BANP: variants seen among roughly 807,000 people sequenced by gnomAD.
BANP encodes the protein BTG3 associated nuclear protein, also known as protein BANP.
BANP carries 11 observed loss-of-function variants against 68.1 expected under a neutral mutation model. The ratio of observed to expected loss-of-function variants is 0.16; its 90% CI spans 0.10 to 0.27. The LOEUF is 0.27. BANP is among the 10% of genes least tolerant of loss of function. The pLI is 1.00. For missense variants in BANP, 504 were observed against 722.7 expected (o/e 0.70, Z 3.47); for synonymous variants, 329 against 303.2 (o/e 1.09, Z -0.88).
intron 1 of BANP, among the ~76,000 whole-genome samples, chr16:87,972,047 C>T (rs1264066774): frequency 1.3e-5 from 2 of 152,180 alleles, no homozygotes; most frequent in African/African-American, 2.4e-5. Context: ...CCTGCCTTAG[C>T]CTCCCAAAGT....
chr16:87,973,698 A>C (rs1029839022), intron 1 of BANP, among the ~76,000 whole-genome samples: 1 of 148,324 alleles, frequency 6.7e-6, no homozygotes, highest in African/African-American at 2.5e-5. Context: ...GGTGGAGGTA[A>C]GCCGAGATTG....
chr16:88,024,710 C>A (rs988944951), intron 7 of BANP, among the ~76,000 whole-genome samples: 1 of 152,258 alleles, frequency 6.6e-6, no homozygotes, highest in African/African-American at 2.4e-5. Context: ...CTCTGGATCT[C>A]CTTTGTGGCC....
chr16:88,051,909 C>A (rs1236617195), intron 11 of BANP, among the ~76,000 whole-genome samples: 1 of 152,188 alleles, frequency 6.6e-6, no homozygotes, highest in African/African-American at 2.4e-5. Context: ...CCATTCATCT[C>A]ATTTGTTTGA....
rs879938871 is a variant in BANP at position 88,064,031 on chromosome 16, G to A, written c.1312-1236G>A. ...CTTAAGATTCGAAGAAAGAGGTACC[G>A]GGGCTTTTGTGGGGAACAAAGGCAC... On this transcript the variant is annotated intron_variant, in intron 11 of 13. Transcript: ENST00000682872. This position sits in a 1 kb window ranked among gnomAD's most constrained non-coding sequence, Gnocchi z 4.5. 2.4e-4 allele frequency among the ~76,000 whole-genome samples: 36 copies of A among 152,282 alleles called. No homozygotes were observed. In the South Asian group the frequency reaches 3.3e-3, roughly 14 times the overall value.
At chr16:88,027,370 G>A in intron 7 of BANP, 113 bp from the exon 8 acceptor site, 2 of 1,200,550 alleles carry the variant, frequency 1.7e-6, no homozygotes, top group Non-Finnish European at 1.2e-6. Flanking sequence ...CGGCCTGGCG[G>A]GCTGGGGTGC....
At chr16:87,951,678 C>T (rs1395619980) in intron 1 of BANP, among the ~76,000 whole-genome samples, 163 bp downstream of exon 1, 1 of 148,378 alleles carries the variant, frequency 6.7e-6, no homozygotes, top group Non-Finnish European at 1.5e-5. Context: ...GCCCCCCGGG[C>T]CCCGCTCCCC....
chr16:88,021,023 G>A (rs2075936977), intron 7 of BANP, among the ~76,000 whole-genome samples: 1 of 152,170 alleles, frequency 6.6e-6, no homozygotes, highest in African/African-American at 2.4e-5. Flanking sequence ...TGCGTGTTGT[G>A]GCTATGAGTT....
At position 88,002,647 on chromosome 16, in the gene BANP, G is replaced by A. The variant is rs1283673128; in HGVS notation, c.363-1648G>A. On this transcript the variant is annotated intron_variant, in intron 4 of 13. Transcript: ENST00000682872. The surrounding 1 kb of genome is among the most constrained non-coding windows in gnomAD (Gnocchi z 4.6). ...CCCCAGAAGCTGTGGGGCACCCGAG[G>A]GGCACATTATTCCAGTTGGGAGCTG... Among the ~76,000 whole-genome samples the A allele has an allele frequency of 6.6e-6, 1 of 152,110 alleles. No individual in the cohort carries two copies. Among genetic ancestry groups the A allele is most frequent in the Admixed American group, 6.5e-5 (1 of 15,280 alleles).
rs115322420 is a variant in BANP, at chr16:88,064,650, C to T, written c.1312-617C>T. Among the ~76,000 whole-genome samples the T allele has an allele frequency of 7.9e-3, 1,209 of 152,354 alleles. 14 individuals carry two copies. The highest frequency in any genetic ancestry group is 0.027 in the African/African-American group (1,142 of 41,592). ...TGGGGACCCCTCCTGGACATGCCTT[C>T]CTCCCTTAAAAAACAACAACGCTTT... On this transcript the variant is annotated intron_variant, in intron 11 of 13. Coordinates refer to ENST00000682872, the MANE Select transcript of BANP (RefSeq NM_001386991.1). The surrounding 1 kb of genome is among the most constrained non-coding windows in gnomAD (Gnocchi z 4.5).
intron 2 of BANP, chr16:87,978,303 A>C (rs1256012727): frequency 4.9e-6 from 1 of 203,316 alleles, no homozygotes; most frequent in Admixed American, 5.3e-5. Flanking sequence ...GAGTTACTGC[A>C]CGCCTCTCTT....
intron 2 of BANP, chr16:87,978,502 T>C: frequency 2.4e-6 from 1 of 412,980 alleles, no homozygotes; most frequent in Middle Eastern, 8.4e-4. Flanking sequence ...TGAGAACCTT[T>C]GACTAACCAC....
At chr16:88,030,423 G>C (rs1182649748) in intron 8 of BANP, among the ~76,000 whole-genome samples, 1 of 152,246 alleles carries the variant, frequency 6.6e-6, no homozygotes, top group Non-Finnish European at 1.5e-5. Flanking sequence ...GTTGTTGCCA[G>C]GCTTGCCTTC....
intron 11 of BANP, among the ~76,000 whole-genome samples, chr16:88,046,057 C>G (rs1018438202): frequency 5.9e-5 from 9 of 152,238 alleles, no homozygotes; most frequent in African/African-American, 2.2e-4. Flanking sequence ...CAAAAACTGA[C>G]CACACTGGCA....
intron 11 of BANP, among the ~76,000 whole-genome samples, chr16:88,048,051 G>A (rs1028127888): frequency 6.6e-6 from 1 of 152,196 alleles, no homozygotes; most frequent in Non-Finnish European, 1.5e-5. Flanking sequence ...GAGCACCAAG[G>A]CCTGCTGGGC....
chr16:87,983,407 C>A (rs2063673893), intron 3 of BANP, among the ~76,000 whole-genome samples: 2 of 152,198 alleles, frequency 1.3e-5, no homozygotes, highest in Admixed American at 6.5e-5. Flanking sequence ...AAATTCTTCC[C>A]TTTCTGGTTT....
At chr16:87,988,493 CTG>C (rs1196116049) in intron 4 of BANP, among the ~76,000 whole-genome samples, 21 of 151,978 alleles carry the variant, frequency 1.4e-4, no homozygotes, top group African/African-American at 4.8e-4. Flanking sequence ...TCTCAAACTC[CTG>C]ACCTCATGAT....
At chr16:88,076,327 C>G (rs924602347) in intron 13 of BANP, among the ~76,000 whole-genome samples, 2 of 138,832 alleles carry the variant, frequency 1.4e-5, no homozygotes, top group Admixed American at 1.6e-4. Flanking sequence ...GCGCCGGCCC[C>G]GGTGACGGAG....
chr16:88,059,134 C>T (rs568764040), intron 11 of BANP, among the ~76,000 whole-genome samples: 1 of 150,174 alleles, frequency 6.7e-6, no homozygotes, highest in East Asian at 2.0e-4. Flanking sequence ...TGCTGGTGTG[C>T]TGAGGTCCGT....
intron 1 of BANP, among the ~76,000 whole-genome samples, chr16:87,954,287 T>A (rs1371771009): frequency 1.3e-5 from 2 of 152,238 alleles, no homozygotes; most frequent in African/African-American, 2.4e-5. Context: ...TCATAGTAGC[T>A]TATTGTTACA....
Sources: allele counts gnomAD v4.1 joint callset (sites outside exome capture counted in the v4.1 genomes callset), GRCh38; gene constraint gnomAD v4.1.1; non-coding constraint Gnocchi (gnomAD v3.1); transcripts MANE v1.5; gene names NCBI Gene and HGNC (gene_info 2026-07-23, HGNC 2026-07-21).